TSHZ2: variants seen among roughly 807,000 people sequenced by gnomAD.
The protein encoded by TSHZ2 is teashirt zinc finger homeobox 2, also known as teashirt homolog 2.
TSHZ2 carries 21 observed loss-of-function variants against 74.4 expected under a neutral mutation model. The observed-to-expected ratio is 0.28, with a 90% CI of 0.20 to 0.41. The LOEUF (loss-of-function observed/expected upper bound fraction) is 0.41, where lower values mean the gene tolerates loss of function less well. Ranked by LOEUF, TSHZ2 falls within the 10% of genes least tolerant of loss-of-function variation. TSHZ2 has a pLI of 1.00. For synonymous variants in TSHZ2, 540 were observed against 515.3 expected (o/e 1.05, Z -0.65); for missense variants, 1,244 against 1,293.5 (o/e 0.96, Z 0.59).
intron 2 of TSHZ2, among the ~76,000 whole-genome samples, chr20:53,444,464 C>A (rs945108058): frequency 2.0e-5 from 3 of 152,032 alleles, no homozygotes; most frequent in African/African-American, 7.2e-5. Flanking sequence ...CCTCCAGTGC[C>A]GGTACTGCAG....
chr20:53,089,778 T>C (rs1985819601), intron 1 of TSHZ2, among the ~76,000 whole-genome samples: 1 of 152,114 alleles, frequency 6.6e-6, no homozygotes, highest in East Asian at 1.9e-4. Context: ...AAAAGAACCT[T>C]TCAGTCAAAG....
At chr20:53,429,103 CTAAG>C (rs1473290332) in intron 2 of TSHZ2, among the ~76,000 whole-genome samples, 1 of 152,160 alleles carries the variant, frequency 6.6e-6, no homozygotes, top group Non-Finnish European at 1.5e-5. Flanking sequence ...TTTCTTAGAA[CTAAG>C]TGATACAAGA....
intron 1 of TSHZ2, among the ~76,000 whole-genome samples, chr20:53,014,337 C>T (rs1982959810): frequency 6.6e-6 from 1 of 152,142 alleles, no homozygotes; most frequent in Non-Finnish European, 1.5e-5. Context: ...AATACCATCA[C>T]ATTGAGGGTC....
chr20:52,989,562 A>G (rs1341625266), intron 1 of TSHZ2, among the ~76,000 whole-genome samples: 2 of 152,226 alleles, frequency 1.3e-5, no homozygotes, highest in African/African-American at 2.4e-5. Context: ...TCACTCCTGT[A>G]AAATAGGCAT....
chr20:53,343,298 C>T (rs1348999434), intron 2 of TSHZ2, among the ~76,000 whole-genome samples: 1 of 152,118 alleles, frequency 6.6e-6, no homozygotes, highest in Non-Finnish European at 1.5e-5. Flanking sequence ...ACGGCAGGTG[C>T]GGCCACACTG....
rs936967397 is a variant in TSHZ2 at position 53,255,245 on chromosome 20, C to T, written c.1787C>T (p.Pro596Leu). Residue 596 changes from proline (P) to leucine (L), a missense_variant, in exon 2 of 3, where the codon CCT becomes CTT. This residue lies in a region of TSHZ2 where 562 missense variants were observed against 544.0 expected (regional missense o/e 1.03). Coordinates refer to ENST00000371497, the MANE Select transcript of TSHZ2 (RefSeq NM_173485.6). The surrounding 1 kb of genome is among the most constrained non-coding windows in gnomAD (Gnocchi z 4.1). The stretch of plus-strand genomic sequence containing the variant: ...GTTTCTATGCCCACACACCTGGCCC[C>T]TTACACTCAAGTCAAGAAAGAGTCA... ...PLVSMPTHLA[P>L]YTQVKKESED... 1 of 1,614,218 alleles carries T rather than the reference C, an allele frequency of 6.2e-7. No homozygotes were observed. Among genetic ancestry groups the T allele is most frequent in the African/African-American group, 1.3e-5 (1 of 75,056 alleles).
chr20:53,339,449 G>C (rs1306943959), intron 2 of TSHZ2, among the ~76,000 whole-genome samples: 2 of 152,154 alleles, frequency 1.3e-5, no homozygotes, highest in Non-Finnish European at 2.9e-5. Flanking sequence ...GCCTCATCAT[G>C]GCGTATTCTG....
intron 1 of TSHZ2, among the ~76,000 whole-genome samples, chr20:53,187,569 G>C (rs1480284547): frequency 6.6e-6 from 1 of 152,112 alleles, no homozygotes; most frequent in African/African-American, 2.4e-5. Flanking sequence ...TCCGTGGCTA[G>C]CCGGGTGGTC....
intron 1 of TSHZ2, among the ~76,000 whole-genome samples, chr20:53,024,924 C>T (rs1318773979): frequency 6.6e-6 from 1 of 152,068 alleles, no homozygotes; most frequent in African/African-American, 2.4e-5. Flanking sequence ...GGTTCCAAGT[C>T]TTTGCTATTG....
At chr20:53,484,308 G>A (rs185054209) in intron 2 of TSHZ2, among the ~76,000 whole-genome samples, 34 of 152,102 alleles carry the variant, frequency 2.2e-4, no homozygotes, top group Non-Finnish European at 3.5e-4. Flanking sequence ...GAGTAGGAAG[G>A]ACTAAATTTA....
rs575505811 is a variant in TSHZ2 at position 53,390,467 on chromosome 20, G to A, written c.*9-96677G>A. ...GGATAAGAATGTCTCCATATTTATT[G>A]TTATCTCCATGCTTAGCAGCAGCAA... On this transcript the variant is annotated intron_variant, in intron 2 of 2. Transcript: ENST00000371497. 1.1e-4 allele frequency among the ~76,000 whole-genome samples: 17 copies of A among 152,326 alleles called. No individual in the cohort carries two copies. In the South Asian group the frequency reaches 3.5e-3, roughly 32 times the overall value.
intron 1 of TSHZ2, among the ~76,000 whole-genome samples, chr20:53,040,408 A>G (rs1270727895): frequency 6.6e-6 from 1 of 152,140 alleles, no homozygotes; most frequent in East Asian, 1.9e-4. Flanking sequence ...GGGCTGTGCT[A>G]AATATCTCAG....
chr20:53,292,192 C>T (rs1004386349), intron 2 of TSHZ2, among the ~76,000 whole-genome samples: 27 of 152,172 alleles, frequency 1.8e-4, no homozygotes, highest in Admixed American at 9.2e-4. Flanking sequence ...ATGATTCTGT[C>T]CACATGTTTT....
intron 1 of TSHZ2, among the ~76,000 whole-genome samples, chr20:53,007,086 C>T (rs1311759214): frequency 6.6e-6 from 1 of 152,130 alleles, no homozygotes; most frequent in African/African-American, 2.4e-5. Context: ...GTAAAGGCTG[C>T]TACTGTGAGG....
chr20:53,089,795 G>A (rs377620796), intron 1 of TSHZ2, among the ~76,000 whole-genome samples: 1 of 152,212 alleles, frequency 6.6e-6, no homozygotes, highest in African/African-American at 2.4e-5. Flanking sequence ...AAAGGAAATA[G>A]CAAGTGCCCA....
intron 1 of TSHZ2, among the ~76,000 whole-genome samples, chr20:53,102,802 T>A (rs753805452): frequency 6.6e-6 from 1 of 152,198 alleles, no homozygotes; most frequent in Non-Finnish European, 1.5e-5. Flanking sequence ...GGAGAGGGCA[T>A]TGTTTTTCAA....
chr20:53,057,138 C>A (rs1984666772), intron 1 of TSHZ2, among the ~76,000 whole-genome samples: 1 of 152,196 alleles, frequency 6.6e-6, no homozygotes, highest in South Asian at 2.1e-4. Flanking sequence ...CTTCACCTTC[C>A]ACCATGATTG....
At chr20:53,325,498 G>A (rs1056886214) in intron 2 of TSHZ2, among the ~76,000 whole-genome samples, 5 of 152,170 alleles carry the variant, frequency 3.3e-5, no homozygotes, top group Admixed American at 6.5e-5. Context: ...GTGAAACACA[G>A]GGCAGTTCAG....
chr20:53,366,586 G>A (rs1286764775), intron 2 of TSHZ2, among the ~76,000 whole-genome samples: 2 of 152,098 alleles, frequency 1.3e-5, no homozygotes, highest in Non-Finnish European at 2.9e-5. Flanking sequence ...TTCGCCCAAC[G>A]CAGAGTGCAA....
Sources: allele counts gnomAD v4.1 joint callset (sites outside exome capture counted in the v4.1 genomes callset), GRCh38; gene constraint gnomAD v4.1.1; regional missense constraint gnomAD v4.1.1; non-coding constraint Gnocchi (gnomAD v3.1); transcripts MANE v1.5; gene names NCBI Gene and HGNC (gene_info 2026-07-23, HGNC 2026-07-21).